The following PIBF1 variants were observed in gnomAD, a reference collection of about 807,000 sequenced individuals.
PIBF1 encodes the protein progesterone immunomodulatory binding factor 1.
PIBF1 carries 90 observed loss-of-function variants against 112.5 expected under a neutral mutation model. The ratio of observed to expected loss-of-function variants is 0.80; its 90% CI spans 0.67 to 0.95. PIBF1 has a LOEUF of 0.95. PIBF1 is among the 40% of genes least tolerant of loss of function. The probability of loss-of-function intolerance (pLI) is 0.00; values close to 1 mark genes in which losing one functional copy is unlikely to be tolerated. For synonymous variants in PIBF1, 301 were observed against 288.6 expected (o/e 1.04, Z -0.44); for missense variants, 915 against 852.3 (o/e 1.07, Z -0.92).
At chr13:72,815,032 C>A (rs958971717) in intron 5 of PIBF1, among the ~76,000 whole-genome samples, 1 of 152,148 alleles carries the variant, frequency 6.6e-6, no homozygotes, top group Admixed American at 6.5e-5. Context: ...TAGATTACTG[C>A]AAATGGGTTC....
At chr13:72,930,517 A>C (rs1295683842) in intron 13 of PIBF1, among the ~76,000 whole-genome samples, 1 of 152,220 alleles carries the variant, frequency 6.6e-6, no homozygotes, top group Non-Finnish European at 1.5e-5. Flanking sequence ...TTGTTTCTTA[A>C]AAGTAGAATT....
At chr13:72,831,735 G>A (rs1340739534) in intron 8 of PIBF1, among the ~76,000 whole-genome samples, 3 of 151,592 alleles carry the variant, frequency 2.0e-5, no homozygotes, top group Non-Finnish European at 4.4e-5. Flanking sequence ...TGATTTGGGT[G>A]GAGAGTTCTG....
chr13:72,924,704 G>A (rs1344036576), intron 13 of PIBF1, among the ~76,000 whole-genome samples: 1 of 150,764 alleles, frequency 6.6e-6, no homozygotes, highest in East Asian at 1.9e-4. Flanking sequence ...GCAATAGAGT[G>A]AGACCCTGCC....
At chr13:72,833,060 G>A (rs575070517) in intron 8 of PIBF1, among the ~76,000 whole-genome samples, 1 of 152,086 alleles carries the variant, frequency 6.6e-6, no homozygotes, top group South Asian at 2.1e-4. Flanking sequence ...GATCGATTTG[G>A]CTTTTGAAAC....
chr13:72,987,872 T>TA (rs2043355563), intron 16 of PIBF1, among the ~76,000 whole-genome samples: 2 of 123,110 alleles, frequency 1.6e-5, no homozygotes, highest in Non-Finnish European at 3.3e-5. Context: ...TTTTTTTTTT[T>TA]TTTTTTTTTG....
At chr13:72,923,520 A>T (rs532120386) in intron 13 of PIBF1, among the ~76,000 whole-genome samples, 1 of 152,366 alleles carries the variant, frequency 6.6e-6, no homozygotes, top group South Asian at 2.1e-4. Flanking sequence ...TTAATGTATT[A>T]ATTACAAAGA....
intron 14 of PIBF1, among the ~76,000 whole-genome samples, chr13:72,932,543 G>A (rs906524770): frequency 4.6e-5 from 7 of 152,130 alleles, no homozygotes; most frequent in Admixed American, 4.6e-4. Flanking sequence ...ATATGAGGGA[G>A]AGCTTGATTT....
At chr13:72,805,830 C>T (rs1356136744) in intron 5 of PIBF1, among the ~76,000 whole-genome samples, 1 of 152,174 alleles carries the variant, frequency 6.6e-6, no homozygotes, top group African/African-American at 2.4e-5. Flanking sequence ...TGATAAAGCA[C>T]TCTTTTATGC....
chr13:72,783,204 C>T (rs1288982938), intron 1 of PIBF1, among the ~76,000 whole-genome samples: 1 of 151,972 alleles, frequency 6.6e-6, no homozygotes, highest in African/African-American at 2.4e-5. Flanking sequence ...TTCCTCCCCG[C>T]AGGAACTGTT....
At chr13:73,001,780 C>T (rs552249234) in intron 17 of PIBF1, among the ~76,000 whole-genome samples, 124 of 151,872 alleles carry the variant, frequency 8.2e-4, no homozygotes, top group African/African-American at 2.9e-3. Context: ...TGTGCCACAA[C>T]GCCCAGCTGA....
intron 12 of PIBF1, among the ~76,000 whole-genome samples, chr13:72,910,954 G>C (rs531057164): frequency 4.6e-5 from 7 of 152,212 alleles, no homozygotes; most frequent in African/African-American, 1.7e-4. Context: ...AGTCACAGTG[G>C]CAGGAGGCTT....
At chr13:72,893,722 T>C in intron 10 of PIBF1, 62 bp from the exon 11 acceptor site, 1 of 1,054,076 alleles carries the variant, frequency 9.5e-7, no homozygotes, top group Non-Finnish European at 1.3e-6. Flanking sequence ...GTAAGGTTTA[T>C]GATTACTTAA....
At chr13:72,997,165 T>G (rs1392003044) in intron 16 of PIBF1, among the ~76,000 whole-genome samples, 1 of 152,216 alleles carries the variant, frequency 6.6e-6, no homozygotes, top group East Asian at 1.9e-4. Context: ...TTTATCTTCA[T>G]GCCAAAGATA....
chr13:72,786,933 A>G (rs984349718), intron 2 of PIBF1, among the ~76,000 whole-genome samples: 1 of 152,244 alleles, frequency 6.6e-6, no homozygotes, highest in Admixed American at 6.5e-5. Context: ...CATTACATAC[A>G]TTGCTAAGGT....
chr13:72,886,272 C>T (rs770373182), intron 10 of PIBF1, among the ~76,000 whole-genome samples: 24 of 136,770 alleles, frequency 1.8e-4, no homozygotes, highest in Non-Finnish European at 3.1e-4. Flanking sequence ...CTGAGATATA[C>T]GTTAAAAGCT....
At chr13:72,873,833 A>T (rs2039276701) in intron 10 of PIBF1, among the ~76,000 whole-genome samples, 1 of 152,180 alleles carries the variant, frequency 6.6e-6, no homozygotes, top group Non-Finnish European at 1.5e-5. Context: ...TCTTGAGGAA[A>T]ATATTTGAAA....
chr13:72,835,198 T>A (rs766244981), intron 8 of PIBF1, 45 bp from the exon 9 acceptor site: 1 of 1,466,090 alleles, frequency 6.8e-7, no homozygotes, highest in Non-Finnish European at 9.1e-7. Context: ...AAAGCCTATT[T>A]GTTTCAAAAG....
In PIBF1 at chr13:72,952,035, C is replaced by CTTTTTTTTTTTTTTTT. The variant is rs67211238; in HGVS notation, c.1834-13237_1834-13222dup. ...AATTTCTTTCTTTCTTTTCTTTTCT[C>CTTTTTTTTTTTTTTTT]TTTTTTTTTTTTTTTTTGAGATGGA... On this transcript the variant is annotated intron_variant, in intron 14 of 17. Transcript: ENST00000326291. Among the ~76,000 whole-genome samples the CTTTTTTTTTTTTTTTT allele has an allele frequency of 3.3e-4, 41 of 122,956 alleles. 1 individual carries two copies. The highest frequency in any genetic ancestry group is 5.4e-4 in the Non-Finnish European group (32 of 59,116). 80.7% of individuals were successfully genotyped at this position (122,956 alleles called of 152,430 possible).
intron 5 of PIBF1, among the ~76,000 whole-genome samples, chr13:72,803,533 C>T (rs1241503319): frequency 6.6e-6 from 1 of 152,092 alleles, no homozygotes; most frequent in Non-Finnish European, 1.5e-5. Flanking sequence ...ACTACTAGAA[C>T]AGAGGGGTGT....
Sources: gnomAD v4.1 joint callset for allele counts (sites outside exome capture counted in the v4.1 genomes callset) on GRCh38, gnomAD v4.1.1 for gene constraint, MANE v1.5 for transcripts, NCBI Gene and HGNC (gene_info 2026-07-23, HGNC 2026-07-21) for gene names.